The following PPP2R5C variants were observed in gnomAD, a reference collection of about 807,000 sequenced individuals.
PPP2R5C encodes the protein serine/threonine-protein phosphatase 2A 56 kDa regulatory subunit gamma isoform.
A neutral mutation model predicts 68.9 loss-of-function variants in PPP2R5C; 7 were observed. The observed-to-expected ratio is 0.10, with a 90% CI of 0.06 to 0.19. PPP2R5C has a LOEUF of 0.19. PPP2R5C is among the 10% of genes least tolerant of loss of function. The pLI, the probability that PPP2R5C is intolerant of heterozygous loss-of-function variation, is 1.00. For missense variants in PPP2R5C, 348 were observed against 641.3 expected, an observed-to-expected ratio of 0.54 and a Z score of 4.94; for synonymous variants, 210 against 222.2, an observed-to-expected ratio of 0.95 and a Z score of 0.49.
rs2042455289 is a variant in PPP2R5C, at chr14:101,856,945, A to T, written c.294+60A>T. 4.7e-6 allele frequency: 7 copies of T among 1,497,180 alleles called. No individual in the cohort carries two copies. In the South Asian group the frequency reaches 8.0e-5, roughly 17 times the overall value. The allele number at this position is 1,497,180 out of a possible 1,614,324, so 92.7% of individuals were successfully genotyped here. A position where few individuals can be genotyped will look rare whatever the true frequency, so the allele number is the denominator to read the frequency against. ...TCTGATTTATAAACAGGACAGGCCA[A>T]GATCTCTGAGCCTAACACAGTGCTA... On this transcript the variant is annotated intron_variant, in intron 2 of 13. Coordinates refer to ENST00000334743, the Ensembl canonical transcript of PPP2R5C.
chr14:101,761,574 G>A (rs1325052004), upstream of PPP2R5C, among the ~76,000 whole-genome samples: 1 of 141,910 alleles, frequency 7.0e-6, no homozygotes, highest in Non-Finnish European at 1.5e-5. Flanking sequence ...CAGCGGGGCG[G>A]GGCCGGGCGC....
At chr14:101,785,271 C>G (rs146240015) in intron 2 of PPP2R5C, among the ~76,000 whole-genome samples, 33 of 152,264 alleles carry the variant, frequency 2.2e-4, no homozygotes, top group African/African-American at 7.2e-4. Context: ...TATTCATCTC[C>G]TTGCACCACT....
At chr14:101,895,085 A>G (rs998412975) in intron 8 of PPP2R5C, among the ~76,000 whole-genome samples, 7 of 152,194 alleles carry the variant, frequency 4.6e-5, no homozygotes, top group Non-Finnish European at 1.0e-4. Flanking sequence ...TTCAGCCTCC[A>G]TAATTATGTC....
chr14:101,795,880 T>TGGCACAATGTCAGCTCACTGCAGC (rs2038583870), intron 3 of PPP2R5C, among the ~76,000 whole-genome samples: 6 of 152,194 alleles, frequency 3.9e-5, no homozygotes, highest in Non-Finnish European at 7.3e-5. Flanking sequence ...TGGAGTGCAG[T>TGGCACAATGTCAGCTCACTGCAGC]GGCACAATGT....
At chr14:101,863,661 C>T (rs985185820) in intron 2 of PPP2R5C, among the ~76,000 whole-genome samples, 14 of 152,238 alleles carry the variant, frequency 9.2e-5, no homozygotes, top group Non-Finnish European at 1.6e-4. Context: ...CTTTGGGAGG[C>T]CAAGGCTGGC....
intron 2 of PPP2R5C, among the ~76,000 whole-genome samples, chr14:101,864,721 T>A (rs1452292940): frequency 1.3e-5 from 2 of 152,004 alleles, no homozygotes; most frequent in African/African-American, 2.4e-5. Flanking sequence ...GCCCAAAGAC[T>A]AGAGAAAGTA....
At chr14:101,852,469 C>CTTTTTTTTTTT (rs559509845) in intron 1 of PPP2R5C, among the ~76,000 whole-genome samples, 28 of 115,102 alleles carry the variant, frequency 2.4e-4, no homozygotes, top group East Asian at 4.8e-4. Flanking sequence ...TTTTCTTTTT[C>CTTTTTTTTTTT]TTTTTTTTTT....
intron 3 of PPP2R5C, among the ~76,000 whole-genome samples, chr14:101,804,401 C>T (rs1031414057): frequency 6.6e-6 from 1 of 152,116 alleles, no homozygotes; most frequent in African/African-American, 2.4e-5. Flanking sequence ...ATGAGTATAT[C>T]AAAGAGATAT....
At chr14:101,830,784 G>C (rs144501926) in intron 1 of PPP2R5C, among the ~76,000 whole-genome samples, 2 of 152,184 alleles carry the variant, frequency 1.3e-5, no homozygotes, top group Non-Finnish European at 2.9e-5. Flanking sequence ...GGAATACAGA[G>C]AAGCAGCAAT....
chr14:101,912,592 T>C (rs2141119452), intron 12 of PPP2R5C, 119 bp downstream of exon 14: 1 of 1,361,714 alleles, frequency 7.3e-7, no homozygotes, highest in East Asian at 2.7e-5. Context: ...TATATGAAAA[T>C]GTCTGCAATA....
chr14:101,813,034 G>A (rs940904784), intron 1 of PPP2R5C, among the ~76,000 whole-genome samples: 1 of 152,216 alleles, frequency 6.6e-6, no homozygotes, highest in Non-Finnish European at 1.5e-5. Flanking sequence ...TGTGAATGTA[G>A]CTTGGTGACA....
exon 14 of PPP2R5C, chr14:101,925,493 C>T: frequency 4.4e-6 from 3 of 677,868 alleles, no homozygotes; most frequent in Non-Finnish European, 6.8e-6. Context: ...ACGGTGTCCT[C>T]GCAGTGTCGC....
intron 2 of PPP2R5C, among the ~76,000 whole-genome samples, chr14:101,873,148 T>C (rs1031074698): frequency 2.0e-5 from 3 of 152,230 alleles, no homozygotes; most frequent in Admixed American, 6.5e-5. Flanking sequence ...TTTTAAAATA[T>C]CTTTCACGTC....
At chr14:101,853,803 G>A (rs1045574218) in intron 1 of PPP2R5C, among the ~76,000 whole-genome samples, 11 of 152,080 alleles carry the variant, frequency 7.2e-5, no homozygotes, top group African/African-American at 1.2e-4. Context: ...AGGATTTGGC[G>A]AGGACATGTT....
intron 2 of PPP2R5C, among the ~76,000 whole-genome samples, chr14:101,862,938 C>A (rs1450752803): frequency 6.6e-6 from 1 of 151,718 alleles, no homozygotes; most frequent in Non-Finnish European, 1.5e-5. Flanking sequence ...TCCCCCTCCC[C>A]CTGCCTCAGC....
chr14:101,924,443 A>ATTTTTTTTTTTTTTTTTTTTTTT, intron 13 of PPP2R5C, among the ~76,000 whole-genome samples: 1 of 56,854 alleles, frequency 1.8e-5, no homozygotes, highest in African/African-American at 1.3e-4. Context: ...AAATTTCTAC[A>ATTTTTTTTTTTTTTTTTTTTTTT]TCTTTTTTTT....
At chr14:101,846,196 C>T (rs941561632) in intron 1 of PPP2R5C, among the ~76,000 whole-genome samples, 5 of 152,258 alleles carry the variant, frequency 3.3e-5, no homozygotes, top group African/African-American at 4.8e-5. Context: ...CAGACAGACC[C>T]GGAGGGAGGC....
chr14:101,881,758 A>T (rs901693899), intron 2 of PPP2R5C, among the ~76,000 whole-genome samples: 2 of 152,166 alleles, frequency 1.3e-5, no homozygotes, highest in Non-Finnish European at 2.9e-5. Flanking sequence ...CAGCATTTTC[A>T]GCTGTGAATC....
rs973438130 is a variant in PPP2R5C at position 101,891,131 on chromosome 14, C to T, written c.689+835C>T. Reference sequence around the variant, plus strand: ...TTAGACCTTCTAACCCACTGTTTCCCAGAGTTCCTCAGGGTCCCATGGTTA... The same window carrying T: ...TTAGACCTTCTAACCCACTGTTTCCTAGAGTTCCTCAGGGTCCCATGGTTA... On this transcript the variant is annotated intron_variant, in intron 6 of 13. Transcript: ENST00000334743. The surrounding 1 kb of genome is among the most constrained non-coding windows in gnomAD (Gnocchi z 4.9). Among the ~76,000 whole-genome samples, 1 of 152,110 alleles carries T rather than the reference C, an allele frequency of 6.6e-6. No homozygotes were observed. Among genetic ancestry groups the T allele is most frequent in the African/African-American group, 2.4e-5 (1 of 41,412 alleles).
Sources: allele counts gnomAD v4.1 joint callset (sites outside exome capture counted in the v4.1 genomes callset), GRCh38; gene constraint gnomAD v4.1.1; non-coding constraint Gnocchi (gnomAD v3.1); transcripts MANE v1.5; gene names NCBI Gene and HGNC (gene_info 2026-07-23, HGNC 2026-07-21).